Variants in PHC2 observed in about 807,000 individuals in gnomAD.
The protein encoded by PHC2 is polyhomeotic-like protein 2.
Under a neutral mutation model 87.4 loss-of-function variants are expected in PHC2, and 29 were observed. The ratio of observed to expected loss-of-function variants is 0.33; its 90% CI spans 0.25 to 0.45. PHC2 has a LOEUF of 0.45. Among genes scored for constraint, PHC2 ranks in the 20% least tolerant of loss-of-function variants. The pLI is 1.00. For missense variants in PHC2, 857 were observed against 1,136.7 expected, an observed-to-expected ratio of 0.75 and a Z score of 3.54; for synonymous variants, 438 against 461.7, an observed-to-expected ratio of 0.95 and a Z score of 0.66.
chr1:33,365,684 C>T (rs987626755), intron 7 of PHC2, among the ~76,000 whole-genome samples: 4 of 152,218 alleles, frequency 2.6e-5, no homozygotes, highest in East Asian at 1.9e-4. Flanking sequence ...GCCACAGGGC[C>T]GTGAGGCCTC....
intron 1 of PHC2, among the ~76,000 whole-genome samples, chr1:33,411,590 CTT>C (rs1649985232): frequency 1.3e-5 from 2 of 152,026 alleles, no homozygotes; most frequent in South Asian, 4.2e-4. Flanking sequence ...GAGACGGAGT[CTT>C]GCTCTGTCAC....
At chr1:33,398,932 G>A (rs1447811397) in intron 1 of PHC2, among the ~76,000 whole-genome samples, 2 of 152,166 alleles carry the variant, frequency 1.3e-5, no homozygotes, top group Non-Finnish European at 2.9e-5. Flanking sequence ...GCTGATTGTT[G>A]CTTGGAGGGT....
rs184712196 is a variant in PHC2 at position 33,396,842 on chromosome 1, A to G, written c.-54-21249T>C. 2.6e-3 allele frequency among the ~76,000 whole-genome samples: 400 copies of G among 152,274 alleles called. 2 individuals are homozygous for G. The highest frequency in any genetic ancestry group is 9.3e-3 in the African/African-American group (385 of 41,562). On this transcript the variant is annotated intron_variant, in intron 1 of 14. Coordinates refer to ENST00000683057, the MANE Select transcript of PHC2 (RefSeq NM_001385109.1). ...TGAGATGCATTTCTTTGGAGGAGAC[A>G]CTCTGAGCTGACGGACAGCAGCGTC...
chr1:33,343,996 G>GT (rs1430352983), intron 9 of PHC2, among the ~76,000 whole-genome samples: 3 of 152,202 alleles, frequency 2.0e-5, no homozygotes, highest in Non-Finnish European at 2.9e-5. Flanking sequence ...TTTCTATGCA[G>GT]TTTTTTCATA....
At chr1:33,430,615 G>C (rs2148415512) in intron 1 of PHC2, among the ~76,000 whole-genome samples, 1 of 152,140 alleles carries the variant, frequency 6.6e-6, no homozygotes, top group African/African-American at 2.4e-5. Context: ...TCACTGACGG[G>C]ACCTTGGCCC....
rs574837595 is a variant in PHC2 at position 33,341,534 on chromosome 1, A to C, written c.1559-7242T>G. ...CCCTGAATCTAGTTAATCAGGACGC[A>C]CAAGCTGGATTCAATATCTGAAGAA... On this transcript the variant is annotated intron_variant, in intron 9 of 14. Coordinates refer to ENST00000683057, the MANE Select transcript of PHC2 (RefSeq NM_001385109.1). Among the ~76,000 whole-genome samples the C allele has an allele frequency of 1.2e-4, 18 of 152,342 alleles. No homozygotes were observed. In the East Asian group the frequency reaches 3.1e-3, roughly 26 times the overall value.
chr1:33,396,732 G>A (rs1016400322), intron 1 of PHC2, among the ~76,000 whole-genome samples: 14 of 152,146 alleles, frequency 9.2e-5, no homozygotes, highest in Non-Finnish European at 1.9e-4. Flanking sequence ...TGTGGAAGGC[G>A]GCTTCCTGCC....
intron 1 of PHC2, among the ~76,000 whole-genome samples, chr1:33,424,238 CG>C (rs1650578413): frequency 2.0e-5 from 3 of 151,952 alleles, no homozygotes; most frequent in African/African-American, 7.3e-5. Context: ...TTCCTTAAAA[CG>C]AACGGGTGCC....
chr1:33,429,207 G>A (rs1315508893), intron 1 of PHC2, among the ~76,000 whole-genome samples: 2 of 152,114 alleles, frequency 1.3e-5, no homozygotes, highest in Non-Finnish European at 2.9e-5. Flanking sequence ...CCCTTACTTG[G>A]GAAGATATGG....
Position 33,375,561 on chromosome 1 carries a change from A to G in PHC2, c.-22T>C, listed in dbSNP as rs1325163531. The G allele has an allele frequency of 1.4e-6, 2 of 1,477,812 alleles. No homozygotes were observed. The highest frequency in any genetic ancestry group is 2.7e-5 in the South Asian group (2 of 73,016). 91.5% of individuals were successfully genotyped at this position (1,477,812 alleles called of 1,614,324 possible). On this transcript the variant is annotated 5_prime_UTR_variant, in exon 2 of 15. Coordinates refer to ENST00000683057, the MANE Select transcript of PHC2 (RefSeq NM_001385109.1). ...CCATGGCCTGCAGTGTGGCGCAGTCAGGGCGCTCGGATGGCAGAAGGGCAG... is the reference window on the plus strand; with the variant it reads ...CCATGGCCTGCAGTGTGGCGCAGTCGGGGCGCTCGGATGGCAGAAGGGCAG...
At chr1:33,335,827 G>T (rs1004296618) in intron 9 of PHC2, among the ~76,000 whole-genome samples, 2 of 151,840 alleles carry the variant, frequency 1.3e-5, no homozygotes, top group Non-Finnish European at 2.9e-5. Context: ...TTGAACCCAG[G>T]GGGTGGAGGC....
intron 9 of PHC2, chr1:33,346,870 A>G: frequency 1.0e-6 from 1 of 985,432 alleles, no homozygotes; most frequent in Non-Finnish European, 1.2e-6. Flanking sequence ...CGAGCACACC[A>G]GTAGGGGTTC....
At chr1:33,350,865 C>T (rs1553185066) in intron 9 of PHC2, among the ~76,000 whole-genome samples, 1 of 152,128 alleles carries the variant, frequency 6.6e-6, no homozygotes, top group Non-Finnish European at 1.5e-5. Flanking sequence ...TCTCCTCTGC[C>T]TCTGCATTTC....
chr1:33,406,148 G>A (rs1354397078), intron 1 of PHC2, among the ~76,000 whole-genome samples: 1 of 151,934 alleles, frequency 6.6e-6, no homozygotes, highest in African/African-American at 2.4e-5. Context: ...TGGAATTTTT[G>A]CTTTAAGTAT....
intron 1 of PHC2, among the ~76,000 whole-genome samples, chr1:33,419,913 C>A (rs1650366039): frequency 6.6e-6 from 1 of 151,146 alleles, no homozygotes; most frequent in Non-Finnish European, 1.5e-5. Flanking sequence ...CCGGCCACCT[C>A]TCTCTTATAA....
At chr1:33,329,973 T>A (rs1646454541) in intron 13 of PHC2, 98 bp downstream of exon 13, 2 of 1,369,324 alleles carry the variant, frequency 1.5e-6, no homozygotes, top group Non-Finnish European at 2.0e-6. Context: ...CAGAGTGCGC[T>A]GAAGTCGGCA....
chr1:33,429,488 C>T (rs537305824), intron 1 of PHC2, among the ~76,000 whole-genome samples: 1 of 152,330 alleles, frequency 6.6e-6, no homozygotes, highest in Admixed American at 6.5e-5. Flanking sequence ...GCAAGGTAAA[C>T]TCCTATTTAT....
rs1434890391 is a variant in PHC2, at chr1:33,431,007, G to GGCC, written c.-89_-87dup. 6.6e-6 allele frequency: 1 copy of GGCC among 151,956 alleles called. No homozygotes were observed. Among genetic ancestry groups the GGCC allele is most frequent in the Non-Finnish European group, 1.5e-5 (1 of 67,992 alleles). The allele number at this position is 151,956 out of a possible 1,614,324, so 9.4% of individuals were successfully genotyped here. A position where few individuals can be genotyped will look rare whatever the true frequency, so the allele number is the denominator to read the frequency against. On this transcript the variant is annotated 5_prime_UTR_variant, in exon 1 of 15. Transcript: ENST00000683057. Reference sequence around the variant, plus strand: ...TCGCCTCCGCGCTCCTCCTCCACCTGGCCGCTCTCTCCCGGGGGCCGCCCC... The same window carrying GGCC: ...TCGCCTCCGCGCTCCTCCTCCACCTGGCCGCCGCTCTCTCCCGGGGGCCGCCCC...
Position 33,334,951 on chromosome 1 carries a change from G to C in PHC2, c.1559-659C>G, listed in dbSNP as rs78796976. On this transcript the variant is annotated intron_variant, in intron 9 of 14. Coordinates refer to ENST00000683057, the MANE Select transcript of PHC2 (RefSeq NM_001385109.1). The surrounding 1 kb of genome is among the most constrained non-coding windows in gnomAD (Gnocchi z 5.5). ...TCTCTGCTAAGAAGGCTGCTAGGCA[G>C]AGGCTGAGATTTTCTCTGCTGTTTC... Among the ~76,000 whole-genome samples the C allele has an allele frequency of 9.3e-4, 141 of 152,336 alleles. No individual in the cohort carries two copies. Among genetic ancestry groups the C allele is most frequent in the Non-Finnish European group, 1.4e-3 (94 of 68,022 alleles).
Sources: allele counts gnomAD v4.1 joint callset (sites outside exome capture counted in the v4.1 genomes callset), GRCh38; gene constraint gnomAD v4.1.1; non-coding constraint Gnocchi (gnomAD v3.1); transcripts MANE v1.5; gene names NCBI Gene and HGNC (gene_info 2026-07-23, HGNC 2026-07-21).